The following CGGBP1 variants were observed in gnomAD, a reference collection of about 807,000 sequenced individuals.
The protein encoded by CGGBP1 is CGG triplet repeat binding protein 1.
In CGGBP1, 4 loss-of-function variants were observed where a neutral mutation model predicts 11.4. That is an observed-to-expected ratio of 0.35 (90% CI 0.17 to 0.80). CGGBP1 has a LOEUF of 0.80. Ranked by LOEUF, CGGBP1 falls within the 30% of genes least tolerant of loss-of-function variation. The pLI is 0.52. For synonymous variants in CGGBP1, 76 were observed against 74.1 expected (o/e 1.03, Z -0.13); for missense variants, 135 against 202.1 (o/e 0.67, Z 2.01).
At chr3:88,081,101 A>C (rs1357114452) in intron 2 of CGGBP1, among the ~76,000 whole-genome samples, 2 of 152,088 alleles carry the variant, frequency 1.3e-5, no homozygotes, top group Non-Finnish European at 2.9e-5. Flanking sequence ...TATTTTGTAG[A>C]ATATCCCTCA....
At position 88,055,460 on chromosome 3, in the gene CGGBP1, G is replaced by GGTAACCTCC; in HGVS notation, c.*4_*12dup. On this transcript the variant is annotated 3_prime_UTR_variant, in exon 4 of 4. Transcript: ENST00000482016. This position sits in a 1 kb window ranked among gnomAD's most constrained non-coding sequence, Gnocchi z 4.2. ...CCACATTTATCTTGATCACAATGGT[G>GGTAACCTCC]GTAACCTCCTAGTCAACAATCTTGT... 1 of 1,509,848 alleles carries GGTAACCTCC rather than the reference G, an allele frequency of 6.6e-7. No individual in the cohort carries two copies. The highest frequency in any genetic ancestry group is 8.9e-7 in the Non-Finnish European group (1 of 1,128,404). The allele number at this position is 1,509,848 out of a possible 1,614,324, so 93.5% of individuals were successfully genotyped here.
At chr3:88,135,466 A>G (rs1706720000) in intron 2 of CGGBP1, 1 of 239,182 alleles carries the variant, frequency 4.2e-6, no homozygotes, top group African/African-American at 2.2e-5. Context: ...TGTTACTTTC[A>G]ATATTATCCT....
chr3:88,139,965 C>T, intron 2 of CGGBP1: 1 of 1,613,774 alleles, frequency 6.2e-7, no homozygotes, highest in Non-Finnish European at 8.5e-7. Flanking sequence ...TCTAAATAAA[C>T]ATGCAATGAC....
chr3:88,062,134 A>G (rs1347770789), upstream of CGGBP1, among the ~76,000 whole-genome samples: 1 of 152,184 alleles, frequency 6.6e-6, no homozygotes, highest in Non-Finnish European at 1.5e-5. Context: ...AGCTGACTCA[A>G]TAAATGCTTA....
chr3:88,095,591 T>G, intron 2 of CGGBP1: 2 of 521,840 alleles, frequency 3.8e-6, no homozygotes, highest in East Asian at 1.1e-4. Flanking sequence ...CACAGGAATC[T>G]GTTGCCCCAA....
chr3:88,059,324 C>T, upstream of CGGBP1: 1 of 1,533,968 alleles, frequency 6.5e-7, no homozygotes, highest in Non-Finnish European at 8.7e-7. Flanking sequence ...AGCCTCATGG[C>T]GGAGGAAGAG....
intron 2 of CGGBP1, among the ~76,000 whole-genome samples, chr3:88,115,072 T>C (rs1311713236): frequency 1.3e-5 from 2 of 152,202 alleles, no homozygotes; most frequent in African/African-American, 4.8e-5. Context: ...CTCCCATAAG[T>C]AGGACAAACA....
At chr3:88,139,960 A>G in intron 2 of CGGBP1, 3 of 1,613,796 alleles carry the variant, frequency 1.9e-6, no homozygotes, top group Non-Finnish European at 2.5e-6. Flanking sequence ...GGGTTTCTAA[A>G]TAAACATGCA....
intron 2 of CGGBP1, among the ~76,000 whole-genome samples, chr3:88,122,009 A>C (rs1347829074): frequency 6.6e-6 from 1 of 152,160 alleles, no homozygotes; most frequent in East Asian, 1.9e-4. Context: ...AAAACTTTTA[A>C]CCACCTAAGA....
chr3:88,149,158 A>G (rs924237891), intron 1 of CGGBP1, among the ~76,000 whole-genome samples: 9 of 152,186 alleles, frequency 5.9e-5, no homozygotes, highest in African/African-American at 1.9e-4. Flanking sequence ...CAATAGTAAT[A>G]ACAGCTAAAG....
chr3:88,134,622 T>G (rs1470661544), intron 2 of CGGBP1, among the ~76,000 whole-genome samples: 2 of 152,098 alleles, frequency 1.3e-5, no homozygotes, highest in Non-Finnish European at 2.9e-5. Context: ...GTTTTAATCG[T>G]TAGTACTTTT....
At chr3:88,091,478 A>G (rs1363494909) in intron 2 of CGGBP1, among the ~76,000 whole-genome samples, 1 of 152,122 alleles carries the variant, frequency 6.6e-6, no homozygotes, top group Non-Finnish European at 1.5e-5. Context: ...TTTCATCTAT[A>G]TAATCTTTGT....
At chr3:88,141,178 C>A in intron 1 of CGGBP1, 1 of 1,064,552 alleles carries the variant, frequency 9.4e-7, no homozygotes, top group South Asian at 1.7e-5. Context: ...TTACTCCATA[C>A]ATTATTTCCT....
chr3:88,135,375 G>A (rs1706713177), intron 2 of CGGBP1: 1 of 416,534 alleles, frequency 2.4e-6, no homozygotes, highest in Non-Finnish European at 4.1e-6. Context: ...TCTCAACATG[G>A]GAGGCTGATT....
chr3:88,086,235 G>A, intron 2 of CGGBP1: 2 of 1,527,912 alleles, frequency 1.3e-6, no homozygotes, highest in South Asian at 2.4e-5. Context: ...CTATAGTAAT[G>A]TCTGGATTGC....
chr3:88,118,860 G>T (rs142855922), intron 2 of CGGBP1, among the ~76,000 whole-genome samples: 17 of 151,818 alleles, frequency 1.1e-4, no homozygotes, highest in African/African-American at 2.9e-4. Context: ...AGTTAGAATG[G>T]CAATCATTAA....
chr3:88,134,270 T>G (rs1706638369), intron 2 of CGGBP1, among the ~76,000 whole-genome samples: 1 of 152,132 alleles, frequency 6.6e-6, no homozygotes, highest in Non-Finnish European at 1.5e-5. Flanking sequence ...TGTCCTTAGA[T>G]TTAATACCTG....
In CGGBP1 at chr3:88,141,571, A is replaced by G. The variant is rs1381451260; in HGVS notation, c.-337-493T>C. ...CCTTTAAAATGACAGGGTATAAATT[A>G]AACAGGAATCTGACTTGGAATTCCG... On this transcript the variant is annotated intron_variant, in intron 1 of 3. Transcript: ENST00000462901. 5.1e-6 allele frequency: 6 copies of G among 1,168,244 alleles called. No individual in the cohort carries two copies. In the African/African-American group the frequency reaches 9.2e-5, roughly 18 times the overall value. The allele number at this position is 1,168,244 out of a possible 1,614,324, so 72.4% of individuals were successfully genotyped here. A position where few individuals can be genotyped will look rare whatever the true frequency, so the allele number is the denominator to read the frequency against.
chr3:88,055,714 G>T lies in CGGBP1; in HGVS notation c.263C>A (p.Ala88Glu). The change falls in exon 4 of 4, where the codon GCA becomes GAA. Residue 88 changes from alanine to glutamate, a missense_variant. Ala to Glu is a moderately radical substitution (Grantham distance 107). Transcript: ENST00000482016. This position sits in a 1 kb window ranked among gnomAD's most constrained non-coding sequence, Gnocchi z 4.2. ...CGCAGTACTGTTGCACTGAAGAGAT[G>T]CAGTTAGGGGCCTCTGCTTCTTTCT... ...NVRKKQRPLT[A>E]SLQCNSTAQT... 1 of 1,614,204 alleles carries T rather than the reference G, an allele frequency of 6.2e-7. No homozygotes were observed. The highest frequency in any genetic ancestry group is 8.5e-7 in the Non-Finnish European group (1 of 1,180,044).
Sources: allele counts gnomAD v4.1 joint callset (sites outside exome capture counted in the v4.1 genomes callset), GRCh38; gene constraint gnomAD v4.1.1; non-coding constraint Gnocchi (gnomAD v3.1); transcripts MANE v1.5; gene names NCBI Gene and HGNC (gene_info 2026-07-23, HGNC 2026-07-21).